The following ERCC6L2 variants were observed in gnomAD, a reference collection of about 807,000 sequenced individuals.
The protein encoded by ERCC6L2 is ERCC excision repair 6 like 2.
ERCC6L2 carries 77 observed loss-of-function variants against 132.0 expected under a neutral mutation model. The observed-to-expected ratio is 0.58, with a 90% CI of 0.49 to 0.71. The LOEUF (loss-of-function observed/expected upper bound fraction) is 0.71, where lower values mean the gene tolerates loss of function less well. Ranked by LOEUF, ERCC6L2 falls within the 30% of genes least tolerant of loss-of-function variation. The pLI is 0.00. For missense variants in ERCC6L2, 1,542 were observed against 1,837.6 expected (o/e 0.84, Z 2.94); for synonymous variants, 583 against 632.4 (o/e 0.92, Z 1.17).
chr9:95,984,040 C>T (rs1356598294), intron 17 of ERCC6L2, among the ~76,000 whole-genome samples: 1 of 151,642 alleles, frequency 6.6e-6, no homozygotes, highest in Non-Finnish European at 1.5e-5. Flanking sequence ...AGCAGTTACA[C>T]AAAAACCTCA....
At position 96,016,432 on chromosome 9, in the gene ERCC6L2, G is replaced by A. The variant is rs1464279589; in HGVS notation, c.*3229G>A. Among the ~76,000 whole-genome samples, 7 of 152,188 alleles carry A rather than the reference G, an allele frequency of 4.6e-5. No homozygotes were observed. The highest frequency in any genetic ancestry group is 1.0e-4 in the Non-Finnish European group (7 of 68,038). ...TTAAGCAATGATACCGTTTCTGGCT[G>A]AACACTCACCACACAGCTATTAATA... On this transcript the variant is annotated 3_prime_UTR_variant, in exon 19 of 19. Coordinates refer to ENST00000653738, the MANE Select transcript of ERCC6L2 (RefSeq NM_020207.7).
chr9:95,971,156 G>GT (rs1043899731), intron 15 of ERCC6L2, among the ~76,000 whole-genome samples: 4 of 151,970 alleles, frequency 2.6e-5, no homozygotes, highest in African/African-American at 7.2e-5. Flanking sequence ...TGTGTGGAAG[G>GT]TTTTTTTGTT....
At chr9:95,943,077 GAA>G (rs1564246895) in intron 12 of ERCC6L2, among the ~76,000 whole-genome samples, 1 of 152,090 alleles carries the variant, frequency 6.6e-6, no homozygotes, top group Non-Finnish European at 1.5e-5. Context: ...ATATGTGAAA[GAA>G]AATTATTTTG....
Position 95,972,207 on chromosome 9 carries a change from G to T in ERCC6L2, c.2456G>T (p.Ser819Ile). ...GGAAATACTGCCTCTGATGATGAAA[G>T]TTCTGATGAGCAGCCCACATGCCTT... ...SDGNTASDDE[S>I]SDEQPTCLST... The change falls in exon 16 of 19, where the codon AGT becomes ATT. Residue 819 changes from serine (S) to isoleucine (I), a missense_variant. Physicochemically the swap from Ser to Ile is moderately radical, Grantham distance 142. Coordinates refer to ENST00000653738, the MANE Select transcript of ERCC6L2 (RefSeq NM_020207.7). The T allele has an allele frequency of 3.1e-6, 4 of 1,304,260 alleles. No individual in the cohort carries two copies. The highest frequency in any genetic ancestry group is 4.0e-6 in the Non-Finnish European group (4 of 988,938). The allele number at this position is 1,304,260 out of a possible 1,614,324, so 80.8% of individuals were successfully genotyped here. A position where few individuals can be genotyped will look rare whatever the true frequency, so the allele number is the denominator to read the frequency against.
chr9:95,938,874 C>T (rs1830673828), intron 11 of ERCC6L2, among the ~76,000 whole-genome samples: 1 of 151,584 alleles, frequency 6.6e-6, no homozygotes, highest in African/African-American at 2.4e-5. Flanking sequence ...ATTTCTAGTT[C>T]CACTGTTTCT....
intron 3 of ERCC6L2, among the ~76,000 whole-genome samples, chr9:95,902,535 C>T (rs1828833002): frequency 6.6e-6 from 1 of 152,236 alleles, no homozygotes; most frequent in Non-Finnish European, 1.5e-5. Context: ...CTACCGTGAG[C>T]ATCCTTATGC....
At chr9:95,985,205 T>TCG (rs541255934) in intron 17 of ERCC6L2, among the ~76,000 whole-genome samples, 243 of 152,346 alleles carry the variant, frequency 1.6e-3, no homozygotes, top group Non-Finnish European at 2.9e-3. Flanking sequence ...TCATGTGGAT[T>TCG]CGTTTTTTCC....
intron 17 of ERCC6L2, among the ~76,000 whole-genome samples, chr9:96,003,171 T>C (rs1833747701): frequency 6.6e-6 from 1 of 152,210 alleles, no homozygotes; most frequent in Admixed American, 6.5e-5. Flanking sequence ...ATTTCAGTTC[T>C]TATATTTGTT....
At chr9:95,926,227 T>TA (rs1422712189) in intron 9 of ERCC6L2, among the ~76,000 whole-genome samples, 2 of 152,208 alleles carry the variant, frequency 1.3e-5, no homozygotes, top group Non-Finnish European at 2.9e-5. Context: ...TAAATAGTCT[T>TA]ACTATATGAT....
At chr9:95,929,911 G>T (rs1425840738) in intron 11 of ERCC6L2, among the ~76,000 whole-genome samples, 1 of 152,038 alleles carries the variant, frequency 6.6e-6, no homozygotes. Context: ...TCCTTCTTCT[G>T]CTCACTTCCA....
At chr9:96,031,248 A>G (rs2133266379) in intron 19 of ERCC6L2, among the ~76,000 whole-genome samples, 1 of 152,304 alleles carries the variant, frequency 6.6e-6, no homozygotes, top group South Asian at 2.1e-4. Context: ...GACAGGGTGA[A>G]GTGGTGTGAA....
intron 17 of ERCC6L2, among the ~76,000 whole-genome samples, chr9:95,982,737 C>T (rs1001421665): frequency 6.6e-6 from 1 of 151,980 alleles, no homozygotes; most frequent in East Asian, 1.9e-4. Flanking sequence ...AATTATGTGA[C>T]TGGTATTGAC....
chr9:96,011,287 A>G (rs1834019323), intron 18 of ERCC6L2, among the ~76,000 whole-genome samples: 1 of 152,218 alleles, frequency 6.6e-6, no homozygotes, highest in Non-Finnish European at 1.5e-5. Context: ...GACAGAAGAG[A>G]AAGAAACTGT....
intron 17 of ERCC6L2, among the ~76,000 whole-genome samples, chr9:95,983,058 A>T (rs1342860158): frequency 2.0e-5 from 3 of 152,188 alleles, no homozygotes; most frequent in African/African-American, 7.2e-5. Context: ...GTACATTTTT[A>T]TTATTGTAAT....
chr9:96,040,227 C>T (rs1403932669), intron 20 of ERCC6L2, among the ~76,000 whole-genome samples: 3 of 148,986 alleles, frequency 2.0e-5, no homozygotes, highest in Non-Finnish European at 4.5e-5. Flanking sequence ...CCAGCCTCTG[C>T]ACTCTTCCTG....
intron 19 of ERCC6L2, among the ~76,000 whole-genome samples, chr9:96,028,801 T>A (rs1212195013): frequency 2.0e-5 from 3 of 152,196 alleles, no homozygotes; most frequent in African/African-American, 7.2e-5. Flanking sequence ...TTTCCCACGT[T>A]CACCTTAGCA....
At chr9:96,026,973 AAC>A (rs979538643) in intron 19 of ERCC6L2, among the ~76,000 whole-genome samples, 1 of 127,338 alleles carries the variant, frequency 7.9e-6, no homozygotes, top group Non-Finnish European at 1.6e-5. Flanking sequence ...ACACCGCACA[AAC>A]ACACCACACA....
intron 2 of ERCC6L2, among the ~76,000 whole-genome samples, chr9:95,890,431 G>A (rs1828096077): frequency 1.3e-5 from 2 of 152,108 alleles, no homozygotes; most frequent in Non-Finnish European, 2.9e-5. Context: ...GTGTCACATA[G>A]CTAGTATGAA....
At chr9:95,994,518 T>C (rs936626568) in intron 17 of ERCC6L2, among the ~76,000 whole-genome samples, 1 of 152,224 alleles carries the variant, frequency 6.6e-6, no homozygotes, top group Non-Finnish European at 1.5e-5. Context: ...GCCCAGTAGA[T>C]AGATCCATTC....
Sources: allele counts gnomAD v4.1 joint callset (sites outside exome capture counted in the v4.1 genomes callset), GRCh38; gene constraint gnomAD v4.1.1; transcripts MANE v1.5; gene names NCBI Gene and HGNC (gene_info 2026-07-23, HGNC 2026-07-21).